The following ANXA2 variants were observed in gnomAD, a reference collection of about 807,000 sequenced individuals.
ANXA2 encodes annexin A2.
A neutral mutation model predicts 47.3 loss-of-function variants in ANXA2; 28 were observed. The ratio of observed to expected loss-of-function variants is 0.59; its 90% CI spans 0.44 to 0.81. The LOEUF (loss-of-function observed/expected upper bound fraction) is 0.81. ANXA2 is among the 40% of genes least tolerant of loss of function. ANXA2 has a pLI of 0.00. For missense variants in ANXA2, 384 were observed against 414.3 expected (o/e 0.93, Z 0.64); for synonymous variants, 172 against 155.5 (o/e 1.11, Z -0.79).
intron 1 of ANXA2, chr15:60,393,314 C>A: frequency 1.0e-6 from 1 of 997,906 alleles, no homozygotes. Flanking sequence ...GGAAAGAGAC[C>A]GGCAGGAAGA....
intron 7 of ANXA2, chr15:60,355,288 A>G (rs1049688989): frequency 1.9e-5 from 3 of 157,744 alleles, no homozygotes; most frequent in Admixed American, 1.3e-4. Context: ...GAGGAGAGCG[A>G]GGGAGAATGG....
intron 3 of ANXA2, 108 bp from the exon 4 acceptor site, chr15:60,364,631 C>T (rs2062567502): frequency 1.3e-6 from 1 of 748,210 alleles, no homozygotes; most frequent in East Asian, 2.9e-5. Flanking sequence ...ATACTGTTTT[C>T]CAAACTGAAA....
Position 60,351,704 on chromosome 15 carries a change from TG to T in ANXA2, c.778+19del. On this transcript the variant is annotated intron_variant, in intron 10 of 12. Transcript: ENST00000451270. ...TCTGGTAGCTGATGTCTACCAGGAA[TG>T]GGGGCCACATTCACTTACCCAGGTT... 1 of 1,511,454 alleles carries T rather than the reference TG, an allele frequency of 6.6e-7. No homozygotes were observed. Among genetic ancestry groups the T allele is most frequent in the Non-Finnish European group, 9.2e-7 (1 of 1,086,624 alleles). The allele number at this position is 1,511,454 out of a possible 1,614,324, so 93.6% of individuals were successfully genotyped here.
rs562929223 is a variant in ANXA2, at chr15:60,374,570, A to T, written c.148+7772T>A. ...CAGGGAAAAGAGCTAACTGTTTTTT[A>T]AAAAAAGAAAGAGCTGAAGAGAGGC... On this transcript the variant is annotated intron_variant, in intron 3 of 12. Coordinates refer to ENST00000451270, the MANE Select transcript of ANXA2 (RefSeq NM_004039.3). The T allele has an allele frequency of 1.9e-3, 868 of 455,636 alleles. 4 individuals carry two copies. The highest frequency in any genetic ancestry group is 3.3e-3 in the Non-Finnish European group (744 of 226,690). 28.2% of individuals were successfully genotyped at this position (455,636 alleles called of 1,614,324 possible).
chr15:60,386,735 A>G (rs2062938788), intron 1 of ANXA2: 1 of 152,266 alleles, frequency 6.6e-6, no homozygotes, highest in South Asian at 2.1e-4. Context: ...TCCAGTTAAT[A>G]TACTTAATGG....
In ANXA2 at chr15:60,347,560, C is replaced by G. The variant is rs1356040186; in HGVS notation, c.*70G>C. 5.5e-5 allele frequency: 84 copies of G among 1,513,864 alleles called. No homozygotes were observed. The highest frequency in any genetic ancestry group is 1.0e-5 in the Non-Finnish European group (11 of 1,090,248). 93.8% of individuals were successfully genotyped at this position (1,513,864 alleles called of 1,614,324 possible). A position where few individuals can be genotyped will look rare whatever the true frequency, so the allele number is the denominator to read the frequency against. On this transcript the variant is annotated 3_prime_UTR_variant, in exon 13 of 13. Transcript: ENST00000451270. ...GGCCACGGGGACTGTTATTCGCAAG[C>G]TGGTTTTCTAGACCTGTTAGCTGGA... is the stretch of plus-strand genomic sequence containing the variant.
chr15:60,366,329 C>T (rs1385711265), intron 3 of ANXA2, among the ~76,000 whole-genome samples: 3 of 146,542 alleles, frequency 2.0e-5, no homozygotes, highest in African/African-American at 7.7e-5. Context: ...ATGAGGAGCC[C>T]CTCTGCCTGG....
At chr15:60,394,235 T>G (rs910257906) in intron 1 of ANXA2, among the ~76,000 whole-genome samples, 1 of 152,142 alleles carries the variant, frequency 6.6e-6, no homozygotes, top group Non-Finnish European at 1.5e-5. Context: ...TCTGATTTCC[T>G]CTGAGCTGTG....
chr15:60,392,552 A>T (rs912636890), intron 1 of ANXA2, among the ~76,000 whole-genome samples: 2 of 152,278 alleles, frequency 1.3e-5, no homozygotes, highest in Admixed American at 6.5e-5. Context: ...TAAAACAAAC[A>T]AACAAAAGAA....
chr15:60,359,601 C>G (rs971842060), intron 5 of ANXA2, among the ~76,000 whole-genome samples: 3 of 152,338 alleles, frequency 2.0e-5, no homozygotes, highest in African/African-American at 7.2e-5. Context: ...GACTTAACAA[C>G]AAATCTTACA....
At position 60,352,403 on chromosome 15, in the gene ANXA2, C is replaced by T. The variant is rs755855483; in HGVS notation, c.662G>A (p.Ser221Asn). ...PKWISIMTER[S>N]VPHLQKVFDR... ...CCCACCTTTCTGGAGGTGGGGCACG[C>T]TCCGCTCGGTCATGATGCTGATCCA... Residue 221 changes from serine (S) to asparagine (N), a missense_variant, in exon 9 of 13, where the codon AGC (serine) becomes AAC (asparagine). Physicochemically the swap from Ser to Asn is conservative, Grantham distance 46. Transcript: ENST00000451270. This position sits in a 1 kb window ranked among gnomAD's most constrained non-coding sequence, Gnocchi z 4.2. 1.9e-6 allele frequency: 3 copies of T among 1,613,768 alleles called. No homozygotes were observed. The highest frequency in any genetic ancestry group is 1.7e-4 in the Middle Eastern group (1 of 6,058).
intron 10 of ANXA2, chr15:60,351,483 G>C: frequency 3.2e-6 from 2 of 616,354 alleles, no homozygotes; most frequent in South Asian, 2.0e-5. Context: ...GCATACGTGA[G>C]TTTCCACAAC....
chr15:60,369,171 T>G (rs1187152199), intron 3 of ANXA2, among the ~76,000 whole-genome samples: 1 of 152,200 alleles, frequency 6.6e-6, no homozygotes, highest in African/African-American at 2.4e-5. Context: ...AGCTTTAACT[T>G]ATATTTTGTT....
At chr15:60,359,469 G>A (rs2062479905) in intron 5 of ANXA2, among the ~76,000 whole-genome samples, 2 of 152,116 alleles carry the variant, frequency 1.3e-5, no homozygotes, top group South Asian at 4.1e-4. Context: ...AAATGTTGTC[G>A]ACATTTTATC....
intron 3 of ANXA2, among the ~76,000 whole-genome samples, chr15:60,366,496 C>G (rs1364441364): frequency 6.7e-6 from 1 of 149,432 alleles, no homozygotes; most frequent in Non-Finnish European, 1.5e-5. Flanking sequence ...TGCCCGGCCG[C>G]GACCCTGTCT....
chr15:60,359,228 T>A (rs2062477059), intron 5 of ANXA2, among the ~76,000 whole-genome samples: 1 of 152,150 alleles, frequency 6.6e-6, no homozygotes, highest in Non-Finnish European at 1.5e-5. Context: ...TTACATAGAT[T>A]ACAACAGTGA....
At chr15:60,391,897 G>A (rs1428925973) in intron 1 of ANXA2, among the ~76,000 whole-genome samples, 2 of 148,268 alleles carry the variant, frequency 1.3e-5, no homozygotes, top group African/African-American at 2.5e-5. Flanking sequence ...TCTCCAACAA[G>A]AAAAAAAAAA....
At chr15:60,386,940 A>G (rs1258756342) in intron 1 of ANXA2, 1 of 152,228 alleles carries the variant, frequency 6.6e-6, no homozygotes, top group Non-Finnish European at 1.5e-5. Flanking sequence ...CCTGAAATAG[A>G]CAGGAACGAC....
chr15:60,381,482 G>C (rs1299049459), intron 3 of ANXA2, among the ~76,000 whole-genome samples: 1 of 152,156 alleles, frequency 6.6e-6, no homozygotes, highest in African/African-American at 2.4e-5. Flanking sequence ...AGCCCAGAAA[G>C]TCTGAACATC....
Sources: gnomAD v4.1 joint callset for allele counts (sites outside exome capture counted in the v4.1 genomes callset) on GRCh38, gnomAD v4.1.1 for gene constraint, Gnocchi (gnomAD v3.1) non-coding constraint, MANE v1.5 for transcripts, NCBI Gene and HGNC (gene_info 2026-07-23, HGNC 2026-07-21) for gene names.